The following ISM1 variants were observed in gnomAD, a reference collection of about 807,000 sequenced individuals.
ISM1 encodes isthmin 1.
Under a neutral mutation model 46.3 loss-of-function variants are expected in ISM1, and 25 were observed. The ratio of observed to expected loss-of-function variants is 0.54; its 90% CI spans 0.39 to 0.75. ISM1 has a LOEUF of 0.75. Ranked by LOEUF, ISM1 falls within the 30% of genes least tolerant of loss-of-function variation. ISM1 has a pLI of 0.00. For missense variants in ISM1, 536 were observed against 625.4 expected (o/e 0.86, Z 1.52); for synonymous variants, 255 against 256.7 (o/e 0.99, Z 0.06).
chr20:13,281,588 C>T (rs907026620), intron 3 of ISM1, among the ~76,000 whole-genome samples: 1 of 152,220 alleles, frequency 6.6e-6, no homozygotes, highest in Non-Finnish European at 1.5e-5. Context: ...AGATTCACCC[C>T]AGGCAGTCTG....
chr20:13,302,424 A>G (rs2040466188), downstream of ISM1, among the ~76,000 whole-genome samples: 1 of 152,194 alleles, frequency 6.6e-6, no homozygotes, highest in Non-Finnish European at 1.5e-5. Flanking sequence ...TAGTGGGCCA[A>G]TGAGTGATCT....
the ISM1 span, among the ~76,000 whole-genome samples, chr20:13,322,829 A>G: frequency 6.6e-6 from 1 of 152,142 alleles, no homozygotes; most frequent in Non-Finnish European, 1.5e-5. Flanking sequence ...ACTTGAAAAC[A>G]GTCCTGGCAA....
At chr20:13,243,065 C>A (rs925108628) in intron 1 of ISM1, among the ~76,000 whole-genome samples, 4 of 152,162 alleles carry the variant, frequency 2.6e-5, no homozygotes, top group Non-Finnish European at 4.4e-5. Context: ...TGAACTTTGG[C>A]TGTCTGGACA....
chr20:13,260,247 G>A (rs1486996008), intron 1 of ISM1, among the ~76,000 whole-genome samples: 1 of 152,198 alleles, frequency 6.6e-6, no homozygotes, highest in Non-Finnish European at 1.5e-5. Context: ...CAGTGTCGGG[G>A]GGTCCTGTTA....
At chr20:13,272,498 G>C (rs767744662) in intron 2 of ISM1, among the ~76,000 whole-genome samples, 2 of 152,202 alleles carry the variant, frequency 1.3e-5, no homozygotes, top group Non-Finnish European at 2.9e-5. Context: ...AGACAGAGGA[G>C]GAAAAGCACT....
At chr20:13,256,661 T>C (rs1350811623) in intron 1 of ISM1, among the ~76,000 whole-genome samples, 3 of 152,236 alleles carry the variant, frequency 2.0e-5, no homozygotes, top group African/African-American at 7.2e-5. Context: ...GTCCTTTCTC[T>C]GTATTCTGAG....
At chr20:13,251,894 G>T (rs1352717984) in intron 1 of ISM1, among the ~76,000 whole-genome samples, 1 of 152,124 alleles carries the variant, frequency 6.6e-6, no homozygotes, top group African/African-American at 2.4e-5. Flanking sequence ...AATGGGTTTG[G>T]CTCTACCTTA....
chr20:13,252,299 T>C (rs2123196508), intron 1 of ISM1, among the ~76,000 whole-genome samples: 1 of 152,368 alleles, frequency 6.6e-6, no homozygotes, highest in Middle Eastern at 3.4e-3. Context: ...GTGTACATGC[T>C]GGGAACAATT....
intron 1 of ISM1, 21 bp downstream of exon 1, chr20:13,221,935 G>T: frequency 7.6e-7 from 1 of 1,316,942 alleles, no homozygotes; most frequent in Non-Finnish European, 9.6e-7. Context: ...CGCCGGAGAG[G>T]GCCGTGCGCG....
At chr20:13,262,129 A>G (rs1036164178) in intron 1 of ISM1, among the ~76,000 whole-genome samples, 2 of 152,166 alleles carry the variant, frequency 1.3e-5, no homozygotes, top group Non-Finnish European at 2.9e-5. Context: ...TTTGCCGGTA[A>G]TGGAGAAAGC....
the ISM1 span, among the ~76,000 whole-genome samples, chr20:13,316,255 A>G: frequency 7.9e-5 from 12 of 152,090 alleles, no homozygotes; most frequent in African/African-American, 2.9e-4. Flanking sequence ...AGGAACAGAC[A>G]ATCTGAAAAG....
At chr20:13,267,834 T>C (rs79600914) in intron 1 of ISM1, among the ~76,000 whole-genome samples, 232 of 152,324 alleles carry the variant, frequency 1.5e-3, no homozygotes, top group Admixed American at 2.7e-3. Context: ...TTAAACAGTA[T>C]ACCTCCATTG....
At chr20:13,247,243 T>G (rs55931944) in intron 1 of ISM1, among the ~76,000 whole-genome samples, 5,535 of 151,994 alleles carry the variant, frequency 0.036, 174 homozygotes, top group African/African-American at 0.077. Context: ...AAAAAAAAAA[T>G]AAGAAGAGAT....
At chr20:13,324,278 A>G in the ISM1 span, among the ~76,000 whole-genome samples, 21 of 152,232 alleles carry the variant, frequency 1.4e-4, no homozygotes, top group African/African-American at 5.1e-4. Context: ...GATGACAGCA[A>G]GGAATCAATT....
chr20:13,302,194 C>T (rs1433294739), downstream of ISM1, among the ~76,000 whole-genome samples: 1 of 152,126 alleles, frequency 6.6e-6, no homozygotes, highest in Non-Finnish European at 1.5e-5. Flanking sequence ...TAATGTGAGC[C>T]ATGCTGTCCA....
At chr20:13,303,111 A>G (rs1249529559), downstream of ISM1, among the ~76,000 whole-genome samples, 2 of 152,178 alleles carry the variant, frequency 1.3e-5, no homozygotes, top group Non-Finnish European at 2.9e-5. Context: ...GAAGCCCAAC[A>G]AGGTTAGCTA....
At chr20:13,274,674 C>G (rs889539330) in intron 2 of ISM1, among the ~76,000 whole-genome samples, 5 of 151,834 alleles carry the variant, frequency 3.3e-5, no homozygotes, top group Non-Finnish European at 5.9e-5. Context: ...CTCCCCGCCC[C>G]CCCCGCGCCC....
intron 1 of ISM1, chr20:13,237,925 A>T (rs191984378): frequency 6.6e-6 from 1 of 152,290 alleles, no homozygotes; most frequent in East Asian, 1.9e-4. Context: ...TCCCAGTGCC[A>T]TTGTTACAAC....
chr20:13,319,485 T>C, the ISM1 span, among the ~76,000 whole-genome samples: 1 of 152,014 alleles, frequency 6.6e-6, no homozygotes, highest in East Asian at 1.9e-4. Context: ...CAGGTAACAG[T>C]CACTCGGAGA....
Sources: allele counts gnomAD v4.1 joint callset (sites outside exome capture counted in the v4.1 genomes callset), GRCh38; gene constraint gnomAD v4.1.1; transcripts MANE v1.5; gene names NCBI Gene and HGNC (gene_info 2026-07-23, HGNC 2026-07-21).